NEGR1: variants seen among roughly 807,000 people sequenced by gnomAD.
NEGR1 encodes IgLON family member 4.
NEGR1 carries 10 observed loss-of-function variants against 40.9 expected under a neutral mutation model. The ratio of observed to expected loss-of-function variants is 0.24; its 90% CI spans 0.15 to 0.42. NEGR1 has a LOEUF of 0.42. NEGR1 is among the 10% of genes least tolerant of loss of function. NEGR1 has a pLI of 1.00. For missense variants in NEGR1, 352 were observed against 438.9 expected, an observed-to-expected ratio of 0.80 and a Z score of 1.77; for synonymous variants, 185 against 166.8, an observed-to-expected ratio of 1.11 and a Z score of -0.84.
In NEGR1 at chr1:71,435,037, G is replaced by T. The variant is rs1646498597; in HGVS notation, c.941-27467C>A. Among the ~76,000 whole-genome samples the T allele has an allele frequency of 2.0e-5, 3 of 151,988 alleles. No individual in the cohort carries two copies. In the South Asian group the frequency reaches 6.2e-4, roughly 32 times the overall value. ...ACCTGGGAGGCAGAGCTTGCAGTGA[G>T]CCGAGATTGCGCCAATGCACTCCAG... On this transcript the variant is annotated intron_variant, in intron 6 of 6. Coordinates refer to ENST00000357731, the MANE Select transcript of NEGR1 (RefSeq NM_173808.3).
At chr1:71,589,443 A>T (rs1357264661) in intron 6 of NEGR1, among the ~76,000 whole-genome samples, 1 of 152,124 alleles carries the variant, frequency 6.6e-6, no homozygotes, top group Non-Finnish European at 1.5e-5. Flanking sequence ...GATAACTTTA[A>T]ATCTATGTCT....
At chr1:71,524,113 T>C (rs1435983377) in intron 6 of NEGR1, among the ~76,000 whole-genome samples, 1 of 151,860 alleles carries the variant, frequency 6.6e-6, no homozygotes, top group Non-Finnish European at 1.5e-5. Context: ...TACAGAATCC[T>C]ATGTCCAGGA....
chr1:72,139,371 AAATT>A (rs1304908786), intron 1 of NEGR1, among the ~76,000 whole-genome samples: 7 of 151,990 alleles, frequency 4.6e-5, no homozygotes, highest in Admixed American at 1.3e-4. Context: ...TGATGCAAGA[AAATT>A]AATGCAACTG....
chr1:71,761,434 T>G (rs1378294575), intron 3 of NEGR1, among the ~76,000 whole-genome samples: 1 of 152,200 alleles, frequency 6.6e-6, no homozygotes, highest in Non-Finnish European at 1.5e-5. Context: ...TATCCTGAAG[T>G]AAATCTCATG....
At chr1:71,460,995 T>G (rs917661408) in intron 6 of NEGR1, among the ~76,000 whole-genome samples, 1 of 152,210 alleles carries the variant, frequency 6.6e-6, no homozygotes, top group Admixed American at 6.5e-5. Context: ...TGCTGGTCTC[T>G]GAAAATAAAA....
rs537158290 is a variant in NEGR1 at position 72,167,991 on chromosome 1, A to ATAT, written c.176+114325_176+114327dup. On this transcript the variant is annotated intron_variant, in intron 1 of 6. Coordinates refer to ENST00000357731, the MANE Select transcript of NEGR1 (RefSeq NM_173808.3). ...TAATGTCATGATTAATAAGGTAGTTATATTATTATTATTATTTTTTTTTTT... is the reference window on the plus strand; with the variant it reads ...TAATGTCATGATTAATAAGGTAGTTATATTATTATTATTATTATTTTTTTTTTT... 1.6e-3 allele frequency among the ~76,000 whole-genome samples: 220 copies of ATAT among 135,542 alleles called. 6 individuals are homozygous for ATAT. Among genetic ancestry groups the ATAT allele is most frequent in the East Asian group, 6.5e-3 (31 of 4,750 alleles). 88.9% of individuals were successfully genotyped at this position (135,542 alleles called of 152,430 possible).
At chr1:72,196,762 TA>T (rs540342065) in intron 1 of NEGR1, among the ~76,000 whole-genome samples, 2,202 of 136,492 alleles carry the variant, frequency 0.016, 32 homozygotes, top group African/African-American at 0.042. Context: ...GAGACTCCAT[TA>T]AAAAAAAAAA....
chr1:71,785,350 G>A (rs1271170075), intron 2 of NEGR1, among the ~76,000 whole-genome samples: 1 of 151,970 alleles, frequency 6.6e-6, no homozygotes, highest in African/African-American at 2.4e-5. Context: ...CACTAATGTG[G>A]GTATCCTAGT....
At chr1:71,458,102 A>G (rs1646687343) in intron 6 of NEGR1, among the ~76,000 whole-genome samples, 1 of 152,176 alleles carries the variant, frequency 6.6e-6, no homozygotes, top group Admixed American at 6.5e-5. Flanking sequence ...ATTTAACTGC[A>G]AAGTTTGAGT....
intron 2 of NEGR1, among the ~76,000 whole-genome samples, chr1:71,777,521 T>C (rs1407613052): frequency 6.6e-6 from 1 of 152,134 alleles, no homozygotes; most frequent in Admixed American, 6.5e-5. Context: ...TTATAAAATT[T>C]ATACTATGTT....
At chr1:72,008,512 C>A (rs1445594387) in intron 1 of NEGR1, among the ~76,000 whole-genome samples, 1 of 151,996 alleles carries the variant, frequency 6.6e-6, no homozygotes, top group Non-Finnish European at 1.5e-5. Flanking sequence ...AGAAACAATA[C>A]CTATCTATTG....
chr1:71,981,194 G>T (rs895696581), intron 1 of NEGR1, among the ~76,000 whole-genome samples: 1 of 152,158 alleles, frequency 6.6e-6, no homozygotes, highest in Non-Finnish European at 1.5e-5. Context: ...CGTAGACATT[G>T]AGAAATACTA....
At chr1:72,008,612 T>A (rs1162072843) in intron 1 of NEGR1, among the ~76,000 whole-genome samples, 1 of 152,146 alleles carries the variant, frequency 6.6e-6, no homozygotes, top group East Asian at 1.9e-4. Context: ...TTAAATATTA[T>A]AATTCTGAAC....
rs1457710237 is a variant in NEGR1, at chr1:71,999,678, T to TATATATATATATATATATATATAC, written c.177-64368_177-64367insGTATATATATATATATATATATAT. On this transcript the variant is annotated intron_variant, in intron 1 of 6. Transcript: ENST00000357731. ...ATATATATATATATATATATATATATACATACATATTTTTGTCCGGTCTCG... is the reference window on the plus strand; with the variant it reads ...ATATATATATATATATATATATATATATATATATATATATATATATATACACATACATATTTTTGTCCGGTCTCG... Among the ~76,000 whole-genome samples, 2 of 49,876 alleles carry TATATATATATATATATATATATAC rather than the reference T, an allele frequency of 4.0e-5. 1 individual carries two copies. The highest frequency in any genetic ancestry group is 8.2e-5 in the Non-Finnish European group (2 of 24,468). 32.7% of individuals were successfully genotyped at this position (49,876 alleles called of 152,430 possible).
At chr1:71,722,399 C>A (rs985026639) in intron 3 of NEGR1, among the ~76,000 whole-genome samples, 5 of 151,844 alleles carry the variant, frequency 3.3e-5, no homozygotes, top group African/African-American at 1.2e-4. Flanking sequence ...AGTAAAATTA[C>A]ATAGCATTAA....
At chr1:71,841,855 T>C (rs1340539024) in intron 2 of NEGR1, among the ~76,000 whole-genome samples, 1 of 152,168 alleles carries the variant, frequency 6.6e-6, no homozygotes, top group African/African-American at 2.4e-5. Flanking sequence ...TATTGTCAAC[T>C]AGTTGGTAAC....
chr1:72,063,731 C>A (rs1026205164), intron 1 of NEGR1, among the ~76,000 whole-genome samples: 1 of 151,894 alleles, frequency 6.6e-6, no homozygotes, highest in Non-Finnish European at 1.5e-5. Context: ...CACATGCCAT[C>A]CTAAAAGTAG....
At chr1:72,135,674 C>T (rs1052871945) in intron 1 of NEGR1, among the ~76,000 whole-genome samples, 6 of 152,074 alleles carry the variant, frequency 3.9e-5, no homozygotes, top group East Asian at 1.9e-4. Flanking sequence ...TCAGAGACAA[C>T]GGAATTTCAC....
intron 1 of NEGR1, among the ~76,000 whole-genome samples, chr1:72,217,319 A>C (rs1653855845): frequency 6.6e-6 from 1 of 152,034 alleles, no homozygotes; most frequent in East Asian, 1.9e-4. Context: ...TTTCACATTT[A>C]AAATTGAACT....
Sources: allele counts gnomAD v4.1 joint callset (sites outside exome capture counted in the v4.1 genomes callset), GRCh38; gene constraint gnomAD v4.1.1; transcripts MANE v1.5; gene names NCBI Gene and HGNC (gene_info 2026-07-23, HGNC 2026-07-21).